NUP54: variants seen among roughly 807,000 people sequenced by gnomAD.
NUP54 encodes nucleoporin p54.
In NUP54, 27 loss-of-function variants were observed where a neutral mutation model predicts 66.4. The observed-to-expected ratio is 0.41, with a 90% CI of 0.30 to 0.56. NUP54 has a LOEUF of 0.56. Ranked by LOEUF, NUP54 falls within the 20% of genes least tolerant of loss-of-function variation. NUP54 has a pLI of 0.34. For synonymous variants in NUP54, 206 were observed against 210.7 expected, an observed-to-expected ratio of 0.98 and a Z score of 0.19; for missense variants, 486 against 596.3, an observed-to-expected ratio of 0.82 and a Z score of 1.93.
chr4:76,115,295 T>G lies in NUP54; in HGVS notation c.*71A>C. ...TTCTTTTTCCCTCCATGTGGTCGGT[T>G]TCATTCTTAAGGAAGGTCTGATGCA... On this transcript the variant is annotated 3_prime_UTR_variant, in exon 12 of 12. Transcript: ENST00000264883. The G allele has an allele frequency of 7.3e-7, 1 of 1,364,256 alleles. No homozygotes were observed. The highest frequency in any genetic ancestry group is 2.7e-5 in the East Asian group (1 of 37,042). 84.5% of individuals were successfully genotyped at this position (1,364,256 alleles called of 1,614,324 possible). A position where few individuals can be genotyped will look rare whatever the true frequency, so the allele number is the denominator to read the frequency against.
At chr4:76,145,651 T>C (rs921617763) in intron 1 of NUP54, 3 of 1,004,380 alleles carry the variant, frequency 3.0e-6, no homozygotes, top group Middle Eastern at 2.4e-4. Context: ...TTGTAACTTA[T>C]TGTCAGTCTT....
rs1433735473 is a variant in NUP54, at chr4:76,125,621, A to AGGGG, written c.1057-866_1057-865insCCCC. On this transcript the variant is annotated intron_variant, in intron 8 of 11. Transcript: ENST00000264883. ...CTGCACTCCAGCATGGGCAAGAGGGAGAGGGAGAGGGGGAGAGGGGGAGAG... is the reference window on the plus strand; with the variant it reads ...CTGCACTCCAGCATGGGCAAGAGGGAGGGGGAGGGAGAGGGGGAGAGGGGGAGAG... 4.2e-4 allele frequency among the ~76,000 whole-genome samples: 23 copies of AGGGG among 54,576 alleles called. 2 individuals are homozygous for AGGGG. Among genetic ancestry groups the AGGGG allele is most frequent in the East Asian group, 1.4e-3 (1 of 694 alleles). The allele number at this position is 54,576 out of a possible 152,430, so 35.8% of individuals were successfully genotyped here. A position where few individuals can be genotyped will look rare whatever the true frequency, so the allele number is the denominator to read the frequency against.
chr4:76,145,808 A>T (rs1452266320), intron 1 of NUP54: 1 of 259,160 alleles, frequency 3.9e-6, no homozygotes, highest in Non-Finnish European at 7.6e-6. Flanking sequence ...ATTGCAATAT[A>T]GAAAATACAA....
At chr4:76,119,866 C>T (rs971405694) in intron 9 of NUP54, among the ~76,000 whole-genome samples, 3 of 151,836 alleles carry the variant, frequency 2.0e-5, no homozygotes, top group African/African-American at 4.8e-5. Flanking sequence ...ACACATAGAC[C>T]GACTGCTTTT....
At chr4:76,146,705 T>G (rs1482163901) in intron 1 of NUP54, among the ~76,000 whole-genome samples, 1 of 152,222 alleles carries the variant, frequency 6.6e-6, no homozygotes, top group Non-Finnish European at 1.5e-5. Context: ...AGTGTCACTA[T>G]GTAAAGTACC....
chr4:76,145,452 C>T (rs943180125), intron 1 of NUP54: 8 of 465,682 alleles, frequency 1.7e-5, no homozygotes, highest in Non-Finnish European at 2.5e-5. Flanking sequence ...AGTTAGCAAC[C>T]TTGGTTTTGG....
At chr4:76,116,338 A>G (rs1329266991) in intron 11 of NUP54, among the ~76,000 whole-genome samples, 1 of 152,226 alleles carries the variant, frequency 6.6e-6, no homozygotes. Context: ...CCATTCTAAC[A>G]TAATAAAATT....
chr4:76,148,262 G>C (rs1731599387), intron 1 of NUP54, 46 bp downstream of exon 1: 1 of 1,281,014 alleles, frequency 7.8e-7, no homozygotes, highest in African/African-American at 1.5e-5. Flanking sequence ...GGGCGGACCA[G>C]ACCCTTCCCC....
At chr4:76,148,060 C>G (rs62302566) in intron 1 of NUP54, 63,250 of 422,712 alleles carry the variant, frequency 0.15, 5,593 homozygotes, top group East Asian at 0.34. Flanking sequence ...GGAAGCGAAC[C>G]GCTCAAGCCA....
chr4:76,147,745 A>C (rs1478271304), intron 1 of NUP54: 1 of 900,134 alleles, frequency 1.1e-6, no homozygotes, highest in Non-Finnish European at 1.5e-6. Context: ...GTTTCACAGA[A>C]GTGAACAAAC....
In NUP54 at chr4:76,118,132, C is replaced by A. The variant is rs1730037117; in HGVS notation, c.1227G>T (p.Gln409His). The change falls in exon 10 of 12, where the codon CAG becomes CAT. Residue 409 changes from glutamine (Q) to histidine (H), a missense_variant. Gln to His is a conservative substitution (Grantham distance 24). Coordinates refer to ENST00000264883, the MANE Select transcript of NUP54 (RefSeq NM_017426.4). ...SGYAIQADEEQLRVQLDTIQG... is the reference protein window; with the variant it reads ...SGYAIQADEEHLRVQLDTIQG... ...GAATCGTATCCAGCTGAACTCGCAACTGCTCTTCATCAGCCTGAATGGCAT... is the reference window on the plus strand; with the variant it reads ...GAATCGTATCCAGCTGAACTCGCAAATGCTCTTCATCAGCCTGAATGGCAT... 1 of 1,613,806 alleles carries A rather than the reference C, an allele frequency of 6.2e-7. No homozygotes were observed. Among genetic ancestry groups the A allele is most frequent in the Non-Finnish European group, 8.5e-7 (1 of 1,179,702 alleles).
chr4:76,129,329 C>G (rs979892534), intron 8 of NUP54, among the ~76,000 whole-genome samples: 1 of 152,126 alleles, frequency 6.6e-6, no homozygotes, highest in African/African-American at 2.4e-5. Context: ...TCCTATATAA[C>G]AACAGCCCTT....
chr4:76,132,825 G>A, intron 5 of NUP54, 106 bp from the exon 6 acceptor site: 1 of 814,792 alleles, frequency 1.2e-6, no homozygotes, highest in Non-Finnish European at 1.9e-6. Flanking sequence ...GTTGAATTCA[G>A]AAATGGTTGT....
chr4:76,130,790 T>C (rs1174041329), intron 7 of NUP54, 41 bp from the exon 8 acceptor site: 1 of 1,309,464 alleles, frequency 7.6e-7, no homozygotes, highest in Non-Finnish European at 1.1e-6. Flanking sequence ...CTTAAGCCTA[T>C]TACTACAAAA....
intron 3 of NUP54, among the ~76,000 whole-genome samples, chr4:76,139,426 T>TA (rs34385932): frequency 0.083 from 12,584 of 151,074 alleles, 685 homozygotes; most frequent in South Asian, 0.23. Flanking sequence ...TTATGAGAGA[T>TA]AAAGTTAAAT....
chr4:76,131,295 T>TAGAAAATTGTTTTAG lies in NUP54; in HGVS notation c.908-12_908-11insCTAAAACAATTTTCT. ...TAATAGGATCAACACCTACCACAAA[T>TAGAAAATTGTTTTAG]AAAAAATATTTTTTCTAAAACAATT... On this transcript the variant is annotated splice_polypyrimidine_tract_variant and intron_variant, in intron 6 of 11. Coordinates refer to ENST00000264883, the MANE Select transcript of NUP54 (RefSeq NM_017426.4). 1.3e-6 allele frequency: 2 copies of TAGAAAATTGTTTTAG among 1,544,560 alleles called. No individual in the cohort carries two copies. Among genetic ancestry groups the TAGAAAATTGTTTTAG allele is most frequent in the Non-Finnish European group, 1.8e-6 (2 of 1,133,828 alleles).
intron 1 of NUP54, among the ~76,000 whole-genome samples, chr4:76,145,279 C>T (rs1170271060): frequency 6.9e-6 from 1 of 144,060 alleles, no homozygotes; most frequent in Non-Finnish European, 1.5e-5. Flanking sequence ...GATCTTGCCA[C>T]TGTACTCCAG....
At chr4:76,142,026 C>T (rs1196780975) in intron 3 of NUP54, among the ~76,000 whole-genome samples, 3 of 152,136 alleles carry the variant, frequency 2.0e-5, no homozygotes, top group East Asian at 1.9e-4. Flanking sequence ...CAACCTTGTA[C>T]ACCCAATGCC....
intron 3 of NUP54, among the ~76,000 whole-genome samples, chr4:76,141,502 C>T (rs1210098698): frequency 1.3e-5 from 2 of 152,160 alleles, no homozygotes; most frequent in Non-Finnish European, 2.9e-5. Context: ...CCTTCAGTTA[C>T]GCCACCCAGA....
Sources: gnomAD v4.1 joint callset for allele counts (sites outside exome capture counted in the v4.1 genomes callset) on GRCh38, gnomAD v4.1.1 for gene constraint, MANE v1.5 for transcripts, NCBI Gene and HGNC (gene_info 2026-07-23, HGNC 2026-07-21) for gene names.